Variants in HPS5 observed in about 807,000 individuals in gnomAD.
HPS5 encodes BLOC-2 complex member HPS5.
A neutral mutation model predicts 128.0 loss-of-function variants in HPS5; 83 were observed. That is an observed-to-expected ratio of 0.65 (90% CI 0.54 to 0.78). The LOEUF (loss-of-function observed/expected upper bound fraction) is 0.78. HPS5 is among the 30% of genes least tolerant of loss of function. HPS5 has a pLI of 0.00. For missense variants in HPS5, 1,281 were observed against 1,326.2 expected (o/e 0.97, Z 0.53); for synonymous variants, 475 against 470.2 (o/e 1.01, Z -0.13).
intron 8 of HPS5, among the ~76,000 whole-genome samples, chr11:18,303,002 T>C (rs1861915162): frequency 6.6e-6 from 1 of 152,136 alleles, no homozygotes; most frequent in African/African-American, 2.4e-5. Flanking sequence ...CCTTGTCCCC[T>C]TATCCCTTCA....
chr11:18,291,750 C>CT lies in HPS5; in HGVS notation c.2131dup (p.Arg711LysfsTer9). Reference sequence around the variant, plus strand: ...GTCATCCAAAGACTCCCTTGGACTCCTTACACATTCACATGCTGTTTTATC... The same window carrying CT: ...GTCATCCAAAGACTCCCTTGGACTCCTTTACACATTCACATGCTGTTTTATC... On this transcript the variant is annotated frameshift_variant, in exon 16 of 23. Coordinates refer to ENST00000349215, the MANE Select transcript of HPS5 (RefSeq NM_181507.2). LOFTEE classifies it high-confidence loss of function. 1 of 1,614,206 alleles carries CT rather than the reference C, an allele frequency of 6.2e-7. No individual in the cohort carries two copies.
chr11:18,279,991 T>C (rs763801997), intron 22 of HPS5, 49 bp from the exon 23 acceptor site: 1 of 1,573,700 alleles, frequency 6.4e-7, no homozygotes, highest in Admixed American at 1.7e-5. Flanking sequence ...TCATTGTTCA[T>C]TCTTCACAGA....
rs1426206244 is a variant in HPS5 at position 18,279,800 on chromosome 11, A to G, written c.*82T>C. On this transcript the variant is annotated 3_prime_UTR_variant, in exon 23 of 23. Transcript: ENST00000349215. Reference sequence around the variant, plus strand: ...GATTTGGGGGTGGTGTCTTTCCTTCAATAACAAATGCGTTCAGAAGGTTCA... The same window carrying G: ...GATTTGGGGGTGGTGTCTTTCCTTCGATAACAAATGCGTTCAGAAGGTTCA... 1.5e-6 allele frequency: 2 copies of G among 1,371,880 alleles called. No homozygotes were observed. The highest frequency in any genetic ancestry group is 4.6e-5 in the East Asian group (2 of 43,522). 85.0% of individuals were successfully genotyped at this position (1,371,880 alleles called of 1,614,324 possible).
intron 2 of HPS5, among the ~76,000 whole-genome samples, chr11:18,314,848 C>T (rs1311557600): frequency 6.6e-6 from 1 of 152,048 alleles, no homozygotes; most frequent in Non-Finnish European, 1.5e-5. Context: ...CCACAGATAC[C>T]CACCACCACG....
intron 1 of HPS5, among the ~76,000 whole-genome samples, chr11:18,318,344 G>A (rs1381352393): frequency 6.6e-6 from 1 of 152,158 alleles, no homozygotes; most frequent in African/African-American, 2.4e-5. Flanking sequence ...AAACCCTACA[G>A]TTATCAGCTA....
intron 16 of HPS5, among the ~76,000 whole-genome samples, chr11:18,291,079 G>A (rs1414950635): frequency 2.6e-5 from 4 of 152,156 alleles, no homozygotes; most frequent in Non-Finnish European, 5.9e-5. Context: ...TTAGCTGGGC[G>A]TGGTGGTGCA....
At chr11:18,318,691 T>C (rs1338725590) in intron 1 of HPS5, among the ~76,000 whole-genome samples, 5 of 152,236 alleles carry the variant, frequency 3.3e-5, no homozygotes, top group Non-Finnish European at 7.3e-5. Context: ...ATTATAACTT[T>C]TCTCAATCAC....
chr11:18,301,074 T>C (rs1720680871), intron 8 of HPS5, among the ~76,000 whole-genome samples, 158 bp from the exon 9 acceptor site: 1 of 152,226 alleles, frequency 6.6e-6, no homozygotes, highest in Non-Finnish European at 1.5e-5. Flanking sequence ...AACTCCTTTC[T>C]GTCTGTAACA....
intron 9 of HPS5, among the ~76,000 whole-genome samples, chr11:18,300,377 G>C (rs1861552800): frequency 6.6e-6 from 1 of 152,024 alleles, no homozygotes; most frequent in Admixed American, 6.6e-5. Context: ...AAATATCTAT[G>C]GTCAATCTTT....
chr11:18,295,057 C>T lies in HPS5; in HGVS notation c.1747G>A (p.Val583Met). The change falls in exon 14 of 23, where the codon GTG becomes ATG. Residue 583 changes from valine to methionine, a missense_variant. Physicochemically the swap from Val to Met is conservative, Grantham distance 21. Transcript: ENST00000349215. The part of the protein sequence containing the change: ...RGDEQSCEED[V>M]SSDTCPKEED... Reference sequence around the variant, plus strand: ...TCCTTTGGGCAGGTATCTGAACTCACATCCTCTTCACATGATTGCTCATCA... The same window carrying T: ...TCCTTTGGGCAGGTATCTGAACTCATATCCTCTTCACATGATTGCTCATCA... The T allele has an allele frequency of 6.2e-7, 1 of 1,614,188 alleles. No individual in the cohort carries two copies. Among genetic ancestry groups the T allele is most frequent in the South Asian group, 1.1e-5 (1 of 91,092 alleles).
At chr11:18,280,333 A>T (rs1858718266) in intron 22 of HPS5, among the ~76,000 whole-genome samples, 3 of 152,202 alleles carry the variant, frequency 2.0e-5, no homozygotes, top group Non-Finnish European at 4.4e-5. Context: ...GATATATAGT[A>T]CCTGACACCC....
Position 18,279,781 on chromosome 11 carries a change from G to C in HPS5, c.*101C>G. 8.9e-7 allele frequency: 1 copy of C among 1,120,926 alleles called. No homozygotes were observed. Among genetic ancestry groups the C allele is most frequent in the Non-Finnish European group, 1.3e-6 (1 of 742,952 alleles). 69.4% of individuals were successfully genotyped at this position (1,120,926 alleles called of 1,614,324 possible). A position where few individuals can be genotyped will look rare whatever the true frequency, so the allele number is the denominator to read the frequency against. ...AGCCCCAATAAGATGGCAGGATTTGGGGGTGGTGTCTTTCCTTCAATAACA... is the reference window on the plus strand; with the variant it reads ...AGCCCCAATAAGATGGCAGGATTTGCGGGTGGTGTCTTTCCTTCAATAACA... On this transcript the variant is annotated 3_prime_UTR_variant, in exon 23 of 23. Coordinates refer to ENST00000349215, the MANE Select transcript of HPS5 (RefSeq NM_181507.2).
chr11:18,318,783 T>C (rs1863942264), intron 1 of HPS5, among the ~76,000 whole-genome samples: 1 of 152,252 alleles, frequency 6.6e-6, no homozygotes, highest in African/African-American at 2.4e-5. Flanking sequence ...TGTTTGTTCA[T>C]GCTTTACGTT....
intron 3 of HPS5, chr11:18,311,681 T>G: frequency 1.8e-6 from 1 of 561,782 alleles, no homozygotes; most frequent in Non-Finnish European, 3.2e-6. Context: ...CAGCTAATTT[T>G]TGTGTTTTTA....
At chr11:18,313,001 C>A (rs1863182867) in intron 2 of HPS5, among the ~76,000 whole-genome samples, 1 of 152,174 alleles carries the variant, frequency 6.6e-6, no homozygotes, top group Non-Finnish European at 1.5e-5. Context: ...AAAATTGTTA[C>A]TCATATTACT....
chr11:18,321,496 C>T (rs191725797), intron 1 of HPS5, among the ~76,000 whole-genome samples: 1 of 152,234 alleles, frequency 6.6e-6, no homozygotes, highest in South Asian at 2.1e-4. Context: ...TTTTGGGAGA[C>T]TGGCTTGCCC....
intron 8 of HPS5, among the ~76,000 whole-genome samples, chr11:18,304,900 T>G (rs948717881): frequency 2.0e-5 from 3 of 152,234 alleles, no homozygotes; most frequent in Non-Finnish European, 4.4e-5. Context: ...TGCTGGACTT[T>G]GCACCTAATC....
In HPS5 at chr11:18,279,056, A is replaced by G. The variant is rs907421997; in HGVS notation, c.*826T>C. 2 of 152,240 alleles carry G rather than the reference A, an allele frequency of 1.3e-5. No individual in the cohort carries two copies. The highest frequency in any genetic ancestry group is 4.8e-5 in the African/African-American group (2 of 41,464). The allele number at this position is 152,240 out of a possible 1,614,324, so 9.4% of individuals were successfully genotyped here. Reference sequence around the variant, plus strand: ...ATAAATACAGGGAAAAATATTTTTAATTAGCTTAATTTATATATGAAGATA... The same window carrying G: ...ATAAATACAGGGAAAAATATTTTTAGTTAGCTTAATTTATATATGAAGATA... On this transcript the variant is annotated 3_prime_UTR_variant, in exon 23 of 23. Transcript: ENST00000349215.
intron 16 of HPS5, among the ~76,000 whole-genome samples, chr11:18,288,597 A>T (rs1416394251): frequency 1.8e-5 from 2 of 109,608 alleles, no homozygotes; most frequent in Non-Finnish European, 3.8e-5. Flanking sequence ...TTTGTGGTTT[A>T]AAAAAAAAAA....
Sources: allele counts gnomAD v4.1 joint callset (sites outside exome capture counted in the v4.1 genomes callset), GRCh38; gene constraint gnomAD v4.1.1; transcripts MANE v1.5; gene names NCBI Gene and HGNC (gene_info 2026-07-23, HGNC 2026-07-21).